AHNAK2: variants seen among roughly 807,000 people sequenced by gnomAD.
AHNAK2 encodes protein AHNAK2.
AHNAK2 carries 18 observed loss-of-function variants against 30.7 expected under a neutral mutation model. The observed-to-expected ratio is 0.59, with a 90% CI of 0.41 to 0.87. The LOEUF is 0.87. Ranked by LOEUF, AHNAK2 falls within the 40% of genes least tolerant of loss-of-function variation. The pLI, the probability that AHNAK2 is intolerant of heterozygous loss-of-function variation, is 0.00. For missense variants in AHNAK2, 8,604 were observed against 7,373.0 expected (o/e 1.17, Z -6.11); for synonymous variants, 3,590 against 3,073.8 (o/e 1.17, Z -5.56).
Position 104,954,820 on chromosome 14 carries a change from A to G in AHNAK2, c.652-21T>C. On this transcript the variant is annotated intron_variant, in intron 6 of 6. Coordinates refer to ENST00000333244, the MANE Select transcript of AHNAK2 (RefSeq NM_138420.4). The surrounding 1 kb of genome is among the most constrained non-coding windows in gnomAD (Gnocchi z 4.3). Reference sequence around the variant, plus strand: ...GTGTCCTGAAACATAGGGAGAGGGAATCTGTTGGTGCCAGTCCAAGAAGCC... The same window carrying G: ...GTGTCCTGAAACATAGGGAGAGGGAGTCTGTTGGTGCCAGTCCAAGAAGCC... 6.5e-7 allele frequency: 1 copy of G among 1,546,586 alleles called. No homozygotes were observed. Among genetic ancestry groups the G allele is most frequent in the Non-Finnish European group, 8.7e-7 (1 of 1,148,628 alleles).
At position 104,944,031 on chromosome 14, in the gene AHNAK2, T is replaced by A. The variant is rs750957477; in HGVS notation, c.11420A>T (p.Lys3807Met). Residue 3807 changes from lysine (K) to methionine (M), a missense_variant, in exon 7 of 7, where the codon AAG becomes ATG. Lys to Met is a moderately conservative substitution (Grantham distance 95). Coordinates refer to ENST00000333244, the MANE Select transcript of AHNAK2 (RefSeq NM_138420.4). ...TAKDSKFKMP[K>M]FKMPSFGVSA... Reference sequence around the variant, plus strand: ...CACCCCAAATGACGGCATCTTGAACTTGGGCATTTTGAATTTGCTGTCTTT... The same window carrying A: ...CACCCCAAATGACGGCATCTTGAACATGGGCATTTTGAATTTGCTGTCTTT... 1 of 1,612,946 alleles carries A rather than the reference T, an allele frequency of 6.2e-7. No homozygotes were observed. Among genetic ancestry groups the A allele is most frequent in the East Asian group, 2.2e-5 (1 of 44,766 alleles).
chr14:104,955,706 T>C, intron 4 of AHNAK2, 73 bp from the exon 5 acceptor site: 1 of 1,548,428 alleles, frequency 6.5e-7, no homozygotes. Flanking sequence ...CTGGGGCCTG[T>C]GTCTCCAGAG....
rs763729957 is a variant in AHNAK2 at position 104,941,831 on chromosome 14, G to A, written c.13620C>T (p.Ala4540=). 3.3e-5 allele frequency: 54 copies of A among 1,613,266 alleles called. No homozygotes were observed. The highest frequency in any genetic ancestry group is 8.3e-5 in the Admixed American group (5 of 59,964). The change falls in exon 7 of 7, where the codon GCC becomes GCT. Residue 4540 remains alanine (A), a synonymous_variant. Coordinates refer to ENST00000333244, the MANE Select transcript of AHNAK2 (RefSeq NM_138420.4). ...CCTTGGGCAGGTGCCCTTTGAGGCC[G>A]GCTACCTCGGGCATGTGGCCTTCTG... The part of the protein sequence containing the change: ...KLPEGHMPEV[A]GLKGHLPKVE...
intron 5 of AHNAK2, 65 bp downstream of exon 5, chr14:104,955,418 C>G (rs1018584556): frequency 2.9e-5 from 44 of 1,539,340 alleles, no homozygotes; most frequent in Middle Eastern, 3.5e-4. Context: ...CTCAATACCC[C>G]CCTCCAGGTC....
In AHNAK2 at chr14:104,948,891, A is replaced by C. The variant is rs1449197667; in HGVS notation, c.6560T>G (p.Met2187Arg). The change falls in exon 7 of 7, where the codon ATG (methionine) becomes AGG (arginine). Residue 2187 changes from methionine (M) to arginine (R), a missense_variant. Coordinates refer to ENST00000333244, the MANE Select transcript of AHNAK2 (RefSeq NM_138420.4). ...DVSPPKVEAD[M>R]SLPSMQGDLK... ...GTCCCCCTGCATGGAGGGGAGACTCATGTCGGCCTCCACCTTGGGTGGAGA... is the reference window on the plus strand; with the variant it reads ...GTCCCCCTGCATGGAGGGGAGACTCCTGTCGGCCTCCACCTTGGGTGGAGA... 8 of 1,607,160 alleles carry C rather than the reference A, an allele frequency of 5.0e-6. No homozygotes were observed. Among genetic ancestry groups the C allele is most frequent in the African/African-American group, 2.7e-5 (2 of 73,564 alleles).
rs1898926117 is a variant in AHNAK2 at position 104,954,942 on chromosome 14, G to A, written c.651+15C>T. 1 of 1,603,874 alleles carries A rather than the reference G, an allele frequency of 6.2e-7. No homozygotes were observed. The highest frequency in any genetic ancestry group is 8.5e-7 in the Non-Finnish European group (1 of 1,174,848). Reference sequence around the variant, plus strand: ...AGCCAGCTGGGGCCCTGCCCCCCGGGCATAGTGGTCTCACCTCCTTCTCCT... The same window carrying A: ...AGCCAGCTGGGGCCCTGCCCCCCGGACATAGTGGTCTCACCTCCTTCTCCT... On this transcript the variant is annotated intron_variant, in intron 6 of 6. Transcript: ENST00000333244. The surrounding 1 kb of genome is among the most constrained non-coding windows in gnomAD (Gnocchi z 4.3).
At position 104,945,311 on chromosome 14, in the gene AHNAK2, G is replaced by C. The variant is rs182001468; in HGVS notation, c.10140C>G (p.His3380Gln). The change falls in exon 7 of 7, where the codon CAC becomes CAG. Residue 3380 changes from histidine (H) to glutamine (Q), a missense_variant. Transcript: ENST00000333244. Reference protein sequence around the residue: ...GQVDVKLPEGHVPEGAGLKGH... With the variant: ...GQVDVKLPEGQVPEGAGLKGH... ...CTTTGAGGCCAGCTCCCTCGGGCAC[G>C]TGGCCCTCCGGGAGCTTCACGTCCA... 12 of 1,612,790 alleles carry C rather than the reference G, an allele frequency of 7.4e-6. No individual in the cohort carries two copies. Among genetic ancestry groups the C allele is most frequent in the South Asian group, 2.2e-5 (2 of 91,024 alleles).
Position 104,942,409 on chromosome 14 carries a change from T to A in AHNAK2, c.13042A>T (p.Ile4348Phe). ...QGDLKTTHLSIQPPSADLEVQ... is the reference protein window; with the variant it reads ...QGDLKTTHLSFQPPSADLEVQ... ...TCCAGATCAGCGGAAGGGGGCTGAA[T>A]GCTGAGGTGAGTGGTCTTCAGGTCC... Residue 4348 changes from isoleucine (I) to phenylalanine (F), a missense_variant, in exon 7 of 7, where the codon ATT becomes TTT. Ile to Phe is a conservative substitution (Grantham distance 21). Transcript: ENST00000333244. 6.2e-7 allele frequency: 1 copy of A among 1,612,946 alleles called. No homozygotes were observed. The highest frequency in any genetic ancestry group is 8.5e-7 in the Non-Finnish European group (1 of 1,179,566).
Position 104,950,455 on chromosome 14 carries a change from G to A in AHNAK2, c.4996C>T (p.Pro1666Ser). The A allele has an allele frequency of 6.3e-7, 1 of 1,586,414 alleles. No homozygotes were observed. Among genetic ancestry groups the A allele is most frequent in the Non-Finnish European group, 8.6e-7 (1 of 1,162,766 alleles). ...CCTGGGGCCGACACCCCAAATGATGGCATCTTGAACTTGGGCATTTTGAAC... is the reference window on the plus strand; with the variant it reads ...CCTGGGGCCGACACCCCAAATGATGACATCTTGAACTTGGGCATTTTGAAC... ...SKFKMPKFKMPSFGVSAPGKS... is the reference protein window; with the variant it reads ...SKFKMPKFKMSSFGVSAPGKS... The change falls in exon 7 of 7, where the codon CCA becomes TCA. Residue 1666 changes from proline (P) to serine (S), a missense_variant. Transcript: ENST00000333244.
rs762562992 is a variant in AHNAK2 at position 104,943,393 on chromosome 14, G to C, written c.12058C>G (p.Pro4020Ala). 6.2e-7 allele frequency: 1 copy of C among 1,611,244 alleles called. No homozygotes were observed. Among genetic ancestry groups the C allele is most frequent in the Non-Finnish European group, 8.5e-7 (1 of 1,178,878 alleles). The change falls in exon 7 of 7, where the codon CCC (proline) becomes GCC (alanine). Residue 4020 changes from proline (P) to alanine (A), a missense_variant. By Grantham distance (27) the Pro-to-Ala change is conservative (BLOSUM62 -1). Coordinates refer to ENST00000333244, the MANE Select transcript of AHNAK2 (RefSeq NM_138420.4). ...TGGACCTCCAGGTCAGCGGAAGGGG[G>C]CTGAACGCTGAGGTCAGTGGCCTTG... ...DLKATDLSVQPPSADLEVQAG... is the reference protein window; with the variant it reads ...DLKATDLSVQAPSADLEVQAG...
At position 104,949,958 on chromosome 14, in the gene AHNAK2, C is replaced by A; in HGVS notation, c.5493G>T (p.Pro1831=). 11 of 1,584,496 alleles carry A rather than the reference C, an allele frequency of 6.9e-6. 1 individual carries two copies. The highest frequency in any genetic ancestry group is 9.5e-6 in the Non-Finnish European group (11 of 1,162,014). Residue 1831 remains proline, a synonymous_variant, in exon 7 of 7, where the codon CCG becomes CCT. Transcript: ENST00000333244. Reference sequence around the variant, plus strand: ...TGCCTGGGGCAGACACCCCGAACGACGGCATCTTGAACTTGGGCATTTTGA... The same window carrying A: ...TGCCTGGGGCAGACACCCCGAACGAAGGCATCTTGAACTTGGGCATTTTGA... ...SKFKMPKFKM[P]SFGVSAPGKS...
chr14:104,964,121 T>C (rs113862737), intron 1 of AHNAK2, among the ~76,000 whole-genome samples: 124 of 152,176 alleles, frequency 8.1e-4, no homozygotes, highest in African/African-American at 2.8e-3. Context: ...CAACCCAGAA[T>C]GCACAAAGAA....
intron 1 of AHNAK2, among the ~76,000 whole-genome samples, chr14:104,961,181 A>G (rs1203187957): frequency 2.6e-5 from 4 of 151,838 alleles, no homozygotes; most frequent in Admixed American, 1.3e-4. Context: ...TTACAAATAT[A>G]GAAGTAAAGC....
chr14:104,949,452 A>G lies in AHNAK2; in HGVS notation c.5999T>C (p.Val2000Ala), dbSNP rs760905325. ...CTCGATGGACCTCCCTGGGGCCGAT[A>G]CCCCGAACGACGGCATCTTGAATTT... ...MPKFKMPSFG[V>A]SAPGRSIEAS... The change falls in exon 7 of 7, where the codon GTA (valine) becomes GCA (alanine). Residue 2000 changes from valine (V) to alanine (A), a missense_variant. Physicochemically the swap from Val to Ala is moderately conservative, Grantham distance 64. Coordinates refer to ENST00000333244, the MANE Select transcript of AHNAK2 (RefSeq NM_138420.4). The G allele has an allele frequency of 1.2e-4, 196 of 1,587,006 alleles. 20 individuals are homozygous for G. Among genetic ancestry groups the G allele is most frequent in the South Asian group, 7.4e-4 (66 of 89,742 alleles).
chr14:104,942,416 G>A lies in AHNAK2; in HGVS notation c.13035C>T (p.His4345=), dbSNP rs570431047. The change falls in exon 7 of 7, where the codon CAC becomes CAT. Residue 4345 remains histidine, a synonymous_variant. Coordinates refer to ENST00000333244, the MANE Select transcript of AHNAK2 (RefSeq NM_138420.4). ...CAGCGGAAGGGGGCTGAATGCTGAG[G>A]TGAGTGGTCTTCAGGTCCCCCTGCA... ...PSMQGDLKTT[H]LSIQPPSADL... The A allele has an allele frequency of 4.3e-6, 7 of 1,613,140 alleles. No homozygotes were observed. The highest frequency in any genetic ancestry group is 1.3e-5 in the African/African-American group (1 of 74,734).
At chr14:104,957,753 T>A in intron 1 of AHNAK2, 81 bp from the exon 2 acceptor site, 1 of 1,390,054 alleles carries the variant, frequency 7.2e-7, no homozygotes, top group South Asian at 1.2e-5. Context: ...CAGGACTGTA[T>A]GTACACTGTG....
In AHNAK2 at chr14:104,942,803, G is replaced by C. The variant is rs376316122; in HGVS notation, c.12648C>G (p.Leu4216=). ...TCAAACAGGGCATCTGCACCTTGGG[G>C]AGGTGCCCTTTGAGGCCGGCTCCCT... ...LPKGAGLKGH[L]PKVQMPCLKM... is the part of the protein sequence containing the mutation. The change falls in exon 7 of 7, where the codon CTC becomes CTG. Residue 4216 remains leucine, a synonymous_variant. Transcript: ENST00000333244. 4.1e-4 allele frequency: 663 copies of C among 1,609,098 alleles called. 2 individuals carry two copies. The African/African-American group carries it at 8.0e-3, about 19-fold the overall frequency.
chr14:104,938,200 T>A lies in AHNAK2; in HGVS notation c.17251A>T (p.Ile5751Phe). The A allele has an allele frequency of 6.2e-7, 1 of 1,613,932 alleles. No individual in the cohort carries two copies. Among genetic ancestry groups the A allele is most frequent in the Non-Finnish European group, 8.5e-7 (1 of 1,179,890 alleles). ...TCCAGCCCAGTGCCCACAGGCCCGA[T>A]CAGTTCACCCTCTTCCTTCTCTTCA... is the stretch of plus-strand genomic sequence containing the variant. ...SPEEKEEGEL[I>F]GPVGTGLDSR... The change falls in exon 7 of 7, where the codon ATC (isoleucine) becomes TTC (phenylalanine). Residue 5751 changes from isoleucine (I) to phenylalanine (F), a missense_variant. Transcript: ENST00000333244.
In AHNAK2 at chr14:104,942,142, C is replaced by T. The variant is rs759078025; in HGVS notation, c.13309G>A (p.Gly4437Arg). ...AGCCGCGTACTGTCCAGCTTGGCTC[C>T]TGGGGCTTGGATGTCCACCTCCATG... ...PSMEVDIQAP[G>R]AKLDSTRLEG... Residue 4437 changes from glycine to arginine, a missense_variant, in exon 7 of 7, where the codon GGA becomes AGA. Transcript: ENST00000333244. 5 of 1,613,270 alleles carry T rather than the reference C, an allele frequency of 3.1e-6. No individual in the cohort carries two copies. The highest frequency in any genetic ancestry group is 1.1e-5 in the South Asian group (1 of 91,048).
Sources: gnomAD v4.1 joint callset for allele counts (sites outside exome capture counted in the v4.1 genomes callset) on GRCh38, gnomAD v4.1.1 for gene constraint, Gnocchi (gnomAD v3.1) non-coding constraint, MANE v1.5 for transcripts, NCBI Gene and HGNC (gene_info 2026-07-23, HGNC 2026-07-21) for gene names.